CLASRP: variants seen among roughly 807,000 people sequenced by gnomAD.
CLASRP encodes the protein CLK4 associating serine/arginine rich protein.
In CLASRP, 52 loss-of-function variants were observed where a neutral mutation model predicts 99.9. That is an observed-to-expected ratio of 0.52 (90% CI 0.42 to 0.66). The LOEUF (loss-of-function observed/expected upper bound fraction) is 0.66. Ranked by LOEUF, CLASRP falls within the 30% of genes least tolerant of loss-of-function variation. The probability of loss-of-function intolerance (pLI) is 0.00; values close to 1 mark genes in which losing one functional copy is unlikely to be tolerated. For missense variants in CLASRP, 848 were observed against 999.2 expected, an observed-to-expected ratio of 0.85 and a Z score of 2.04; for synonymous variants, 379 against 373.0, an observed-to-expected ratio of 1.02 and a Z score of -0.18.
chr19:45,060,681 G>A lies in CLASRP; in HGVS notation c.863+54G>A. ...GCTGGCATCTGGGGGAGGAGAGCAG[G>A]GGCTTAGGGCCTGAGAAAGCTCTTT... On this transcript the variant is annotated intron_variant, in intron 10 of 20. Transcript: ENST00000221455. This position sits in a 1 kb window ranked among gnomAD's most constrained non-coding sequence, Gnocchi z 4.6. 5 of 1,387,224 alleles carry A rather than the reference G, an allele frequency of 3.6e-6. No homozygotes were observed. The highest frequency in any genetic ancestry group is 2.6e-4 in the Middle Eastern group (1 of 3,846). 85.9% of individuals were successfully genotyped at this position (1,387,224 alleles called of 1,614,324 possible).
At chr19:45,064,764 C>T (rs538214591) in intron 13 of CLASRP, 134 bp downstream of exon 13, 3 of 1,414,034 alleles carry the variant, frequency 2.1e-6, no homozygotes, top group East Asian at 5.1e-5. Context: ...CAGGCACAGG[C>T]CACTGCTCTT....
At chr19:45,063,463 T>C (rs1966988667) in intron 11 of CLASRP, among the ~76,000 whole-genome samples, 1 of 133,910 alleles carries the variant, frequency 7.5e-6, no homozygotes, top group East Asian at 2.6e-4. Flanking sequence ...TTTTTTTTTT[T>C]GAGACGGAGT....
At chr19:45,063,864 T>C in intron 11 of CLASRP, 148 bp from the exon 12 acceptor site, 1 of 1,047,688 alleles carries the variant, frequency 9.5e-7, no homozygotes, top group Non-Finnish European at 1.3e-6. Flanking sequence ...CAGAGCTGGG[T>C]CTCCACTGCC....
At chr19:45,045,968 A>C (rs1326123275) in intron 2 of CLASRP, among the ~76,000 whole-genome samples, 2 of 152,160 alleles carry the variant, frequency 1.3e-5, no homozygotes, top group African/African-American at 4.8e-5. Context: ...CCCTCAGGAC[A>C]GTGGTGACGA....
chr19:45,057,457 G>A (rs572269583), intron 6 of CLASRP, among the ~76,000 whole-genome samples: 14 of 152,210 alleles, frequency 9.2e-5, no homozygotes, highest in Admixed American at 1.3e-4. Flanking sequence ...CATGGTCTAG[G>A]CGGGAGACAG....
At chr19:45,040,386 G>A in intron 2 of CLASRP, 75 bp downstream of exon 2, 1 of 994,294 alleles carries the variant, frequency 1.0e-6, no homozygotes, top group East Asian at 2.5e-5. Flanking sequence ...GGTAAAATCT[G>A]GGCTTGGAAG....
intron 2 of CLASRP, 54 bp from the exon 3 acceptor site, chr19:45,052,017 G>C (rs1354771533): frequency 7.3e-7 from 1 of 1,379,234 alleles, no homozygotes; most frequent in Non-Finnish European, 1.0e-6. Context: ...TGTGTGAGGG[G>C]GTGGGGTTTG....
At chr19:45,053,278 C>T (rs1344842084) in intron 5 of CLASRP, 101 bp downstream of exon 5, 1 of 1,157,872 alleles carries the variant, frequency 8.6e-7, no homozygotes, top group African/African-American at 1.5e-5. Flanking sequence ...ATACTTTCTA[C>T]TAAAGGGCCT....
intron 6 of CLASRP, among the ~76,000 whole-genome samples, chr19:45,056,842 G>C (rs932985138): frequency 5.3e-5 from 8 of 152,192 alleles, no homozygotes; most frequent in African/African-American, 1.9e-4. Flanking sequence ...GAGCCTTGCT[G>C]TGCTTCCCTG....
intron 2 of CLASRP, among the ~76,000 whole-genome samples, chr19:45,049,750 T>C (rs1205458559): frequency 6.6e-6 from 1 of 152,174 alleles, no homozygotes; most frequent in Non-Finnish European, 1.5e-5. Flanking sequence ...CTCAAGCGCC[T>C]GCTGTGGGCC....
intron 5 of CLASRP, 111 bp downstream of exon 5, chr19:45,053,288 T>G (rs189202783): frequency 9.7e-7 from 1 of 1,029,516 alleles, no homozygotes; most frequent in Non-Finnish European, 1.5e-6. Context: ...CTAAAGGGCC[T>G]TGGGTTCCGG....
At chr19:45,059,176 G>A in intron 7 of CLASRP, 92 bp from the exon 8 acceptor site, 1 of 1,016,400 alleles carries the variant, frequency 9.8e-7, no homozygotes, top group Non-Finnish European at 1.5e-6. Flanking sequence ...AGTCTGGCGG[G>A]CGCCCCATCA....
rs748705648 is a variant in CLASRP at position 45,070,532 on chromosome 19, T to G, written c.1958-5T>G. The G allele has an allele frequency of 4.3e-6, 7 of 1,613,946 alleles. No individual in the cohort carries two copies. The highest frequency in any genetic ancestry group is 5.9e-6 in the Non-Finnish European group (7 of 1,179,848). On this transcript the variant is annotated splice_region_variant and splice_polypyrimidine_tract_variant and intron_variant, in intron 19 of 20. Coordinates refer to ENST00000221455, the MANE Select transcript of CLASRP (RefSeq NM_007056.3). ...CTCGCTCTTCACCTGTTGTTTTCTT[T>G]CCAGGTCGAGAATACAGCTCTTCTC...
chr19:45,050,722 T>G (rs1048551082), intron 2 of CLASRP, among the ~76,000 whole-genome samples: 14 of 152,118 alleles, frequency 9.2e-5, no homozygotes, highest in Admixed American at 5.9e-4. Flanking sequence ...TTTTGTTTTT[T>G]GTTTTTGGAG....
At chr19:45,050,066 G>A (rs532693017) in intron 2 of CLASRP, among the ~76,000 whole-genome samples, 5 of 152,108 alleles carry the variant, frequency 3.3e-5, no homozygotes, top group African/African-American at 1.2e-4. Context: ...ACAGAGGTCC[G>A]AGCAGAAGCA....
Position 45,064,172 on chromosome 19 carries a change from C to G in CLASRP, c.1066C>G (p.Pro356Ala). The change falls in exon 12 of 21, where the codon CCC becomes GCC. Residue 356 changes from proline (P) to alanine (A), a missense_variant. Pro to Ala is a conservative substitution (Grantham distance 27, BLOSUM62 -1). This residue lies in a region of CLASRP where 489 missense variants were observed against 434.7 expected (regional missense o/e 1.12). Transcript: ENST00000221455. Reference sequence around the variant, plus strand: ...AGCATCAGGAGTCACCACAGGGAAGCCCCCCGCACCTCCCCAGCCTGGCGG... The same window carrying G: ...AGCATCAGGAGTCACCACAGGGAAGGCCCCCGCACCTCCCCAGCCTGGCGG... The part of the protein sequence containing the change: ...AAASGVTTGK[P>A]PAPPQPGGPA... 8.1e-6 allele frequency: 13 copies of G among 1,609,792 alleles called. No homozygotes were observed. Among genetic ancestry groups the G allele is most frequent in the Non-Finnish European group, 1.1e-5 (13 of 1,178,774 alleles).
intron 18 of CLASRP, chr19:45,069,506 G>GT (rs1967183425): frequency 5.1e-6 from 3 of 584,444 alleles, no homozygotes; most frequent in African/African-American, 1.9e-5. Flanking sequence ...CACCTTTGCT[G>GT]TTTTTTTGGC....
chr19:45,064,776 C>T (rs2122599426), intron 13 of CLASRP, 146 bp downstream of exon 13: 2 of 1,405,228 alleles, frequency 1.4e-6, no homozygotes, highest in Non-Finnish European at 1.9e-6. Context: ...ACTGCTCTTC[C>T]GCAGGAAGCC....
chr19:45,053,019 T>A, intron 4 of CLASRP, 79 bp from the exon 5 acceptor site: 3 of 1,559,300 alleles, frequency 1.9e-6, no homozygotes, highest in Non-Finnish European at 2.7e-6. Context: ...CTGAGGGGGA[T>A]GCCTCATTTC....
Sources: gnomAD v4.1 joint callset for allele counts (sites outside exome capture counted in the v4.1 genomes callset) on GRCh38, gnomAD v4.1.1 for gene constraint, gnomAD v4.1.1 regional missense constraint, Gnocchi (gnomAD v3.1) non-coding constraint, MANE v1.5 for transcripts, NCBI Gene and HGNC (gene_info 2026-07-23, HGNC 2026-07-21) for gene names.